The following SRPK2 variants were observed in gnomAD, a reference collection of about 807,000 sequenced individuals.
SRPK2 encodes SRSF protein kinase 2, also known as SFRS protein kinase 2.
A neutral mutation model predicts 90.8 loss-of-function variants in SRPK2; 21 were observed. That is an observed-to-expected ratio of 0.23 (90% CI 0.16 to 0.33). The LOEUF is 0.33. SRPK2 is among the 10% of genes least tolerant of loss of function. The pLI, the probability that SRPK2 is intolerant of heterozygous loss-of-function variation, is 1.00. For missense variants in SRPK2, 620 were observed against 869.0 expected, an observed-to-expected ratio of 0.71 and a Z score of 3.60; for synonymous variants, 288 against 311.1, an observed-to-expected ratio of 0.93 and a Z score of 0.78.
chr7:105,176,915 G>A (rs1032791032), intron 3 of SRPK2, among the ~76,000 whole-genome samples: 3 of 152,038 alleles, frequency 2.0e-5, no homozygotes, highest in Non-Finnish European at 2.9e-5. Context: ...GATTACAGGC[G>A]CAAGCCATCA....
intron 2 of SRPK2, among the ~76,000 whole-genome samples, chr7:105,319,227 T>C (rs1331174389): frequency 6.6e-6 from 1 of 152,124 alleles, no homozygotes; most frequent in African/African-American, 2.4e-5. Flanking sequence ...GGAATCACAG[T>C]TTTTCATCAC....
chr7:105,157,794 G>A (rs2129581019), intron 7 of SRPK2, among the ~76,000 whole-genome samples: 1 of 152,264 alleles, frequency 6.6e-6, no homozygotes. Context: ...CACACGCATT[G>A]GCCAGGTGTG....
At chr7:105,175,541 CA>C (rs1472319948) in intron 3 of SRPK2, among the ~76,000 whole-genome samples, 2 of 151,596 alleles carry the variant, frequency 1.3e-5, no homozygotes, top group African/African-American at 4.8e-5. Flanking sequence ...ATAAGTAAAA[CA>C]AAAAAGCATA....
intron 2 of SRPK2, among the ~76,000 whole-genome samples, chr7:105,289,561 G>C (rs1394417634): frequency 6.6e-6 from 1 of 152,192 alleles, no homozygotes; most frequent in Non-Finnish European, 1.5e-5. Flanking sequence ...GCCAGTCTGA[G>C]CAACATAGCA....
chr7:105,281,230 G>A (rs1807290742), intron 2 of SRPK2, among the ~76,000 whole-genome samples: 2 of 151,638 alleles, frequency 1.3e-5, no homozygotes, highest in Admixed American at 6.6e-5. Flanking sequence ...CCGAGTAGCT[G>A]GGATTACAGG....
intron 2 of SRPK2, among the ~76,000 whole-genome samples, chr7:105,348,462 T>C (rs1369117139): frequency 6.6e-6 from 1 of 150,668 alleles, no homozygotes; most frequent in Non-Finnish European, 1.5e-5. Context: ...TCTCGCTCTG[T>C]TGCCCAGGCT....
intron 2 of SRPK2, among the ~76,000 whole-genome samples, chr7:105,337,547 T>C (rs1815252396): frequency 6.6e-6 from 1 of 151,950 alleles, no homozygotes. Flanking sequence ...ACTCCTGACC[T>C]CAGGTGATCC....
At chr7:105,359,744 C>G (rs1045100418) in intron 2 of SRPK2, among the ~76,000 whole-genome samples, 1 of 152,152 alleles carries the variant, frequency 6.6e-6, no homozygotes, top group Non-Finnish European at 1.5e-5. Context: ...TCCTTCCAAC[C>G]CCCACCTTTT....
At chr7:105,369,241 G>A (rs1053182500) in intron 2 of SRPK2, among the ~76,000 whole-genome samples, 2 of 151,810 alleles carry the variant, frequency 1.3e-5, no homozygotes, top group East Asian at 1.9e-4. Flanking sequence ...CCACCTGCTG[G>A]GTTCAAGCAA....
chr7:105,233,755 G>A (rs952048826), intron 2 of SRPK2, among the ~76,000 whole-genome samples: 1 of 152,054 alleles, frequency 6.6e-6, no homozygotes, highest in South Asian at 2.1e-4. Context: ...AGCTACTCAG[G>A]AGACTGAAGC....
intron 2 of SRPK2, among the ~76,000 whole-genome samples, chr7:105,329,927 C>T (rs1446501969): frequency 1.3e-5 from 2 of 151,700 alleles, no homozygotes; most frequent in African/African-American, 2.4e-5. Context: ...CCCAGCTACT[C>T]GGGAGACTGA....
intron 2 of SRPK2, among the ~76,000 whole-genome samples, chr7:105,264,974 T>C (rs533861802): frequency 6.6e-6 from 1 of 152,308 alleles, no homozygotes; most frequent in East Asian, 1.9e-4. Flanking sequence ...TTTTGTTACC[T>C]GAGTTCCCTG....
chr7:105,368,158 A>C (rs1050199217), intron 2 of SRPK2, among the ~76,000 whole-genome samples: 13 of 152,242 alleles, frequency 8.5e-5, no homozygotes. Context: ...AGAATATTTA[A>C]AGACAACCTT....
intron 2 of SRPK2, chr7:105,244,938 G>A (rs981265416): frequency 1.4e-6 from 2 of 1,472,244 alleles, no homozygotes; most frequent in South Asian, 1.2e-5. Context: ...CGTCCTGGCC[G>A]CCATGAGGAA....
chr7:105,280,659 G>T (rs1215224201), intron 2 of SRPK2, among the ~76,000 whole-genome samples: 2 of 49,758 alleles, frequency 4.0e-5, no homozygotes, highest in African/African-American at 9.4e-5. Context: ...AAAAAAAAGG[G>T]GGGGGGGGCC....
intron 7 of SRPK2, among the ~76,000 whole-genome samples, chr7:105,148,803 C>T (rs921902328): frequency 5.9e-5 from 9 of 152,230 alleles, no homozygotes; most frequent in Non-Finnish European, 7.3e-5. Flanking sequence ...TTTGACCCAA[C>T]CTGGAGCTCA....
intron 13 of SRPK2, among the ~76,000 whole-genome samples, chr7:105,131,697 C>G (rs1189110366): frequency 6.6e-6 from 1 of 152,112 alleles, no homozygotes; most frequent in Admixed American, 6.5e-5. Context: ...ACAGTAAATT[C>G]AAGAAAATTG....
chr7:105,176,528 G>A (rs1401322466), intron 3 of SRPK2, among the ~76,000 whole-genome samples: 1 of 151,568 alleles, frequency 6.6e-6, no homozygotes, highest in African/African-American at 2.4e-5. Context: ...TCACAGACAA[G>A]CCACAGAGAT....
chr7:105,273,206 C>A (rs1806063703), intron 2 of SRPK2, among the ~76,000 whole-genome samples: 1 of 150,940 alleles, frequency 6.6e-6, no homozygotes, highest in African/African-American at 2.4e-5. Flanking sequence ...CAGAGAGAGA[C>A]TCCGTCTCAA....
Sources: allele counts gnomAD v4.1 joint callset (sites outside exome capture counted in the v4.1 genomes callset), GRCh38; gene constraint gnomAD v4.1.1; transcripts MANE v1.5; gene names NCBI Gene and HGNC (gene_info 2026-07-23, HGNC 2026-07-21).